Variants in CCSER1 observed in about 807,000 individuals in gnomAD.
CCSER1 encodes serine-rich coiled-coil domain-containing protein 1.
Under a neutral mutation model 82.0 loss-of-function variants are expected in CCSER1, and 41 were observed. That is an observed-to-expected ratio of 0.50 (90% CI 0.39 to 0.65). The LOEUF (loss-of-function observed/expected upper bound fraction) is 0.65, where lower values mean the gene tolerates loss of function less well. Among genes scored for constraint, CCSER1 ranks in the 30% least tolerant of loss-of-function variants. The pLI is 0.00. For synonymous variants in CCSER1, 414 were observed against 383.9 expected, an observed-to-expected ratio of 1.08 and a Z score of -0.92; for missense variants, 1,119 against 1,064.2, an observed-to-expected ratio of 1.05 and a Z score of -0.72.
chr4:91,502,349 C>A (rs940334350), intron 10 of CCSER1, among the ~76,000 whole-genome samples: 1 of 152,064 alleles, frequency 6.6e-6, no homozygotes, highest in Non-Finnish European at 1.5e-5. Context: ...TTTATCCTTA[C>A]AATACATAGT....
intron 10 of CCSER1, among the ~76,000 whole-genome samples, chr4:91,444,582 T>C (rs143966419): frequency 2.2e-3 from 341 of 152,240 alleles, no homozygotes; most frequent in African/African-American, 8.1e-3. Flanking sequence ...CCTGAGTAGC[T>C]GGGATTACAG....
chr4:90,157,671 C>G (rs1406349243), intron 1 of CCSER1, among the ~76,000 whole-genome samples: 1 of 152,262 alleles, frequency 6.6e-6, no homozygotes, highest in East Asian at 1.9e-4. Context: ...TGCATCGGCT[C>G]CTGAGGCTTC....
intron 5 of CCSER1, among the ~76,000 whole-genome samples, chr4:90,510,544 C>T (rs1397755186): frequency 6.6e-6 from 1 of 152,220 alleles, no homozygotes; most frequent in East Asian, 1.9e-4. Flanking sequence ...AAGTCCTGGA[C>T]TTCAACGTTG....
rs546338398 is a variant in CCSER1, at chr4:91,111,747, A to G, written c.2217+25753A>G. 1.2e-4 allele frequency among the ~76,000 whole-genome samples: 18 copies of G among 151,878 alleles called. 1 individual carries two copies. In the South Asian group the frequency reaches 3.7e-3, roughly 31 times the overall value. The stretch of plus-strand genomic sequence containing the variant: ...ATGAGGTAGTCTGTAATAATAAAAC[A>G]TTAAACCAACTGGGCTCTTTTCCCG... On this transcript the variant is annotated intron_variant, in intron 10 of 10. Coordinates refer to ENST00000509176, the MANE Select transcript of CCSER1 (RefSeq NM_001145065.2).
intron 1 of CCSER1, among the ~76,000 whole-genome samples, chr4:90,232,350 C>A (rs1744769496): frequency 6.6e-6 from 1 of 151,672 alleles, no homozygotes; most frequent in East Asian, 2.0e-4. Flanking sequence ...TTTGACAAAC[C>A]TGACAAAAAC....
chr4:91,490,851 T>C (rs2110068532), intron 10 of CCSER1, among the ~76,000 whole-genome samples: 1 of 102,362 alleles, frequency 9.8e-6, no homozygotes, highest in Admixed American at 1.1e-4. Context: ...TGTATGCCTG[T>C]ATCAAAATAT....
chr4:91,432,429 A>G (rs1292564400), intron 10 of CCSER1, among the ~76,000 whole-genome samples: 1 of 152,206 alleles, frequency 6.6e-6, no homozygotes, highest in African/African-American at 2.4e-5. Flanking sequence ...GGATTTGCAT[A>G]TTCAATAAAT....
chr4:90,972,625 T>C (rs2150402177), intron 9 of CCSER1, among the ~76,000 whole-genome samples: 1 of 151,862 alleles, frequency 6.6e-6, no homozygotes, highest in East Asian at 1.9e-4. Context: ...ACTCATTCTT[T>C]ACCAAAATCT....
At chr4:91,464,245 G>T (rs1289119166) in intron 10 of CCSER1, among the ~76,000 whole-genome samples, 1 of 152,064 alleles carries the variant, frequency 6.6e-6, no homozygotes, top group Non-Finnish European at 1.5e-5. Flanking sequence ...TTCATATCCA[G>T]CCAAACTAAG....
intron 10 of CCSER1, among the ~76,000 whole-genome samples, chr4:91,479,744 TTAA>T: frequency 6.7e-6 from 1 of 149,576 alleles, no homozygotes; most frequent in Admixed American, 6.7e-5. Context: ...ATTATTATTA[TTAA>T]TTTTTTTATT....
At chr4:90,403,464 A>C (rs1409134045) in intron 4 of CCSER1, among the ~76,000 whole-genome samples, 3 of 140,564 alleles carry the variant, frequency 2.1e-5, no homozygotes, top group African/African-American at 8.1e-5. Flanking sequence ...CCGCCACTGC[A>C]CTCCAGCCTG....
In CCSER1 at chr4:90,400,019, T is replaced by C. The variant is rs1200656214; in HGVS notation, c.1510-17T>C. The C allele has an allele frequency of 6.6e-7, 1 of 1,504,822 alleles. No homozygotes were observed. 93.2% of individuals were successfully genotyped at this position (1,504,822 alleles called of 1,614,324 possible). A position where few individuals can be genotyped will look rare whatever the true frequency, so the allele number is the denominator to read the frequency against. On this transcript the variant is annotated splice_polypyrimidine_tract_variant and intron_variant, in intron 3 of 10. Transcript: ENST00000509176. ...CAGTGTTTTGGTTTCTAATTGTTGG[T>C]TTTGATTTTTCTTCAGGATGTTTTG...
Position 91,600,847 on chromosome 4 carries a change from T to C in CCSER1, c.*1790T>C, listed in dbSNP as rs1433848952. The C allele has an allele frequency of 6.6e-6, 1 of 152,136 alleles. No individual in the cohort carries two copies. Among genetic ancestry groups the C allele is most frequent in the Non-Finnish European group, 1.5e-5 (1 of 68,004 alleles). 9.4% of individuals were successfully genotyped at this position (152,136 alleles called of 1,614,324 possible). ...TTGTAATTCTGCCAAAAGAGAACAA[T>C]ATACACTGCAAATTGCTTGACTTAA... On this transcript the variant is annotated 3_prime_UTR_variant, in exon 11 of 11. Coordinates refer to ENST00000509176, the MANE Select transcript of CCSER1 (RefSeq NM_001145065.2).
intron 10 of CCSER1, among the ~76,000 whole-genome samples, chr4:91,226,072 G>C (rs979334194): frequency 8.6e-5 from 13 of 151,940 alleles, no homozygotes; most frequent in Non-Finnish European, 1.5e-4. Flanking sequence ...AGTTACATAT[G>C]TATACAAGTG....
At chr4:91,367,868 C>G (rs1749749554) in intron 10 of CCSER1, among the ~76,000 whole-genome samples, 1 of 152,054 alleles carries the variant, frequency 6.6e-6, no homozygotes, top group African/African-American at 2.4e-5. Context: ...ATGAGTAGCT[C>G]TGTGTATGTC....
At chr4:91,290,766 G>T (rs550336054) in intron 10 of CCSER1, among the ~76,000 whole-genome samples, 99 of 151,750 alleles carry the variant, frequency 6.5e-4, no homozygotes, top group Non-Finnish European at 1.3e-3. Flanking sequence ...TGTCATATGT[G>T]CTAACTAAAC....
chr4:91,157,841 C>A (rs1033045011), intron 10 of CCSER1, among the ~76,000 whole-genome samples: 1 of 151,970 alleles, frequency 6.6e-6, no homozygotes, highest in Non-Finnish European at 1.5e-5. Context: ...GTCCATGCTC[C>A]TTTTTCAAAG....
At chr4:90,436,610 A>G (rs1017115589) in intron 4 of CCSER1, among the ~76,000 whole-genome samples, 3 of 152,180 alleles carry the variant, frequency 2.0e-5, no homozygotes, top group African/African-American at 7.2e-5. Flanking sequence ...TTAAACTCAG[A>G]TATGTTTATA....
intron 10 of CCSER1, among the ~76,000 whole-genome samples, chr4:91,593,963 CAATT>C (rs1234458160): frequency 6.6e-6 from 1 of 152,028 alleles, no homozygotes; most frequent in Non-Finnish European, 1.5e-5. Context: ...GAGAGGAAGA[CAATT>C]AAAAGGTAAC....
Sources: allele counts gnomAD v4.1 joint callset (sites outside exome capture counted in the v4.1 genomes callset), GRCh38; gene constraint gnomAD v4.1.1; transcripts MANE v1.5; gene names NCBI Gene and HGNC (gene_info 2026-07-23, HGNC 2026-07-21).